Variants in STK32B observed in about 807,000 individuals in gnomAD.
STK32B encodes serine/threonine kinase 32B.
In STK32B, 43 loss-of-function variants were observed where a neutral mutation model predicts 52.6. The ratio of observed to expected loss-of-function variants is 0.82; its 90% confidence interval spans 0.64 to 1.05. The LOEUF (loss-of-function observed/expected upper bound fraction) is 1.05, where lower values mean the gene tolerates loss of function less well. Among genes scored for constraint, STK32B ranks in the 50% least tolerant of loss-of-function variants. STK32B has a pLI of 0.00. For synonymous variants in STK32B, 238 were observed against 204.3 expected (o/e 1.17, Z -1.41); for missense variants, 621 against 534.6 (o/e 1.16, Z -1.59).
At chr4:5,044,238 A>G in the STK32B span, among the ~76,000 whole-genome samples, 3 of 152,076 alleles carry the variant, frequency 2.0e-5, no homozygotes, top group Middle Eastern at 3.4e-3. Flanking sequence ...CCTAGGGTTG[A>G]TCCTTGCATC....
chr4:5,127,115 C>T (rs780055539), intron 1 of STK32B: 26 of 512,888 alleles, frequency 5.1e-5, no homozygotes, highest in South Asian at 1.0e-4. Flanking sequence ...CTTAACCAGA[C>T]GAGAATAAAC....
rs1161999785 is a variant in STK32B at position 5,498,363 on chromosome 4, T to C, written c.1107-582T>C. Among the ~76,000 whole-genome samples the C allele has an allele frequency of 4.6e-5, 7 of 152,014 alleles. No homozygotes were observed. The East Asian group carries it at 1.3e-3, about 29-fold the overall frequency. On this transcript the variant is annotated intron_variant, in intron 11 of 11. Transcript: ENST00000282908. ...GGAATCATACCCCCTCAACATAGTT[T>C]GTAATAGGATATTTTGTAAGTCTGT...
intron 4 of STK32B, among the ~76,000 whole-genome samples, chr4:5,372,059 G>A (rs894291667): frequency 6.6e-6 from 1 of 152,226 alleles, no homozygotes; most frequent in African/African-American, 2.4e-5. Context: ...CTGCAGGCAG[G>A]CGAGCAGATA....
the STK32B span, among the ~76,000 whole-genome samples, chr4:5,045,893 CT>C: frequency 1.3e-5 from 2 of 152,130 alleles, no homozygotes; most frequent in African/African-American, 4.8e-5. Flanking sequence ...TTGAATACCC[CT>C]TATGTCTTTC....
intron 3 of STK32B, among the ~76,000 whole-genome samples, chr4:5,173,763 A>G (rs1462594248): frequency 1.3e-5 from 2 of 152,214 alleles, no homozygotes; most frequent in Admixed American, 1.3e-4. Context: ...TGTGGTGCTG[A>G]AAAGAATGTA....
intron 3 of STK32B, among the ~76,000 whole-genome samples, chr4:5,309,754 G>A (rs556590042): frequency 2.6e-5 from 4 of 152,312 alleles, no homozygotes; most frequent in Admixed American, 2.0e-4. Flanking sequence ...GGATTTAAAT[G>A]TAATACCTGA....
chr4:5,055,056 T>G (rs1741948412), intron 1 of STK32B, among the ~76,000 whole-genome samples: 1 of 151,762 alleles, frequency 6.6e-6, no homozygotes, highest in Non-Finnish European at 1.5e-5. Context: ...CTGAGCCTCC[T>G]CCAGTTGCAA....
intron 1 of STK32B, among the ~76,000 whole-genome samples, chr4:5,077,380 G>T (rs1390785743): frequency 6.6e-6 from 1 of 151,886 alleles, no homozygotes; most frequent in Non-Finnish European, 1.5e-5. Flanking sequence ...CTCACCCTAG[G>T]CACTCAGATG....
intron 4 of STK32B, among the ~76,000 whole-genome samples, chr4:5,393,271 G>A (rs1362227709): frequency 1.3e-5 from 2 of 152,026 alleles, no homozygotes; most frequent in Non-Finnish European, 2.9e-5. Context: ...ATTCATAATC[G>A]CACCTTTCCA....
At chr4:5,223,144 G>A (rs1723646994) in intron 3 of STK32B, among the ~76,000 whole-genome samples, 1 of 152,216 alleles carries the variant, frequency 6.6e-6, no homozygotes, top group Non-Finnish European at 1.5e-5. Flanking sequence ...TGCTTCCCAG[G>A]AGGGTGCAGA....
chr4:5,471,946 G>T (rs1010982340), intron 11 of STK32B, among the ~76,000 whole-genome samples: 1 of 152,188 alleles, frequency 6.6e-6, no homozygotes, highest in Non-Finnish European at 1.5e-5. Flanking sequence ...GCTCCCGGGG[G>T]CCTTAACTTC....
rs545006011 is a variant in STK32B at position 5,367,620 on chromosome 4, A to T, written c.435-30587A>T. ...ATATCAACCCAGTCAAGCCACCCATAGGGCTGCTAAACCCTGCTGAGTACA... is the reference window on the plus strand; with the variant it reads ...ATATCAACCCAGTCAAGCCACCCATTGGGCTGCTAAACCCTGCTGAGTACA... On this transcript the variant is annotated intron_variant, in intron 4 of 11. Transcript: ENST00000282908. Among the ~76,000 whole-genome samples, 10 of 152,326 alleles carry T rather than the reference A, an allele frequency of 6.6e-5. No homozygotes were observed. In the South Asian group the frequency reaches 1.9e-3, roughly 28 times the overall value.
At chr4:5,335,998 G>A (rs1639481328) in intron 4 of STK32B, among the ~76,000 whole-genome samples, 1 of 151,316 alleles carries the variant, frequency 6.6e-6, no homozygotes, top group African/African-American at 2.4e-5. Flanking sequence ...CCAGGTGGTT[G>A]CCCCCTTCCT....
intron 11 of STK32B, among the ~76,000 whole-genome samples, chr4:5,487,991 A>C (rs1719377573): frequency 1.3e-5 from 2 of 152,302 alleles, no homozygotes; most frequent in South Asian, 4.2e-4. Flanking sequence ...AAGAGAGTTG[A>C]ATTTGAAGAA....
intron 3 of STK32B, among the ~76,000 whole-genome samples, chr4:5,233,618 C>A (rs1483795868): frequency 6.7e-6 from 1 of 149,342 alleles, no homozygotes; most frequent in Non-Finnish European, 1.5e-5. Flanking sequence ...CAAAGTGTAG[C>A]CAAGGTAGTG....
chr4:5,282,435 A>G (rs1577289762), intron 3 of STK32B, among the ~76,000 whole-genome samples: 1 of 152,342 alleles, frequency 6.6e-6, no homozygotes, highest in East Asian at 1.9e-4. Context: ...AATTAGGCAC[A>G]GTAAGAAATT....
chr4:5,353,163 C>A (rs1313212086), intron 4 of STK32B, among the ~76,000 whole-genome samples: 1 of 152,058 alleles, frequency 6.6e-6, no homozygotes, highest in Non-Finnish European at 1.5e-5. Context: ...GGAAACAACA[C>A]CCTCTTCAAT....
intron 3 of STK32B, among the ~76,000 whole-genome samples, chr4:5,316,840 ATATATAATATATTATATATATTATATATT>A (rs1730890091): frequency 1.3e-3 from 2 of 1,492 alleles, no homozygotes; most frequent in Non-Finnish European, 2.5e-3. Flanking sequence ...ATTATATATT[ATATATAATATATTATATATATTATATATT>A]ATATATAATA....
chr4:5,385,892 C>T (rs111499954), intron 4 of STK32B, among the ~76,000 whole-genome samples: 2,093 of 149,362 alleles, frequency 0.014, 52 homozygotes, highest in African/African-American at 0.05. Flanking sequence ...CCCACAGATC[C>T]ACCCCTAGCT....
Sources: gnomAD v4.1 joint callset for allele counts (sites outside exome capture counted in the v4.1 genomes callset) on GRCh38, gnomAD v4.1.1 for gene constraint, MANE v1.5 for transcripts, NCBI Gene and HGNC (gene_info 2026-07-23, HGNC 2026-07-21) for gene names.